The following CRTC3 variants were observed in gnomAD, a reference collection of about 807,000 sequenced individuals.
CRTC3 encodes CREB regulated transcription coactivator 3.
In CRTC3, 26 loss-of-function variants were observed where a neutral mutation model predicts 74.5. The observed-to-expected ratio is 0.35, with a 90% CI of 0.26 to 0.48. The LOEUF (loss-of-function observed/expected upper bound fraction) is 0.48, where lower values mean the gene tolerates loss of function less well. Ranked by LOEUF, CRTC3 falls within the 20% of genes least tolerant of loss-of-function variation. CRTC3 has a pLI of 0.99. For synonymous variants in CRTC3, 377 were observed against 325.8 expected, an observed-to-expected ratio of 1.16 and a Z score of -1.69; for missense variants, 760 against 787.3, an observed-to-expected ratio of 0.97 and a Z score of 0.41.
At chr15:90,630,441 C>T (rs148746525) in intron 11 of CRTC3, among the ~76,000 whole-genome samples, 86 of 152,290 alleles carry the variant, frequency 5.6e-4, no homozygotes, top group African/African-American at 1.9e-3. Flanking sequence ...TTAAAAGTCA[C>T]CCACCCATAC....
chr15:90,593,879 A>G (rs1967857401), intron 3 of CRTC3, 124 bp downstream of exon 3: 1 of 950,938 alleles, frequency 1.1e-6, no homozygotes, highest in Non-Finnish European at 1.5e-6. Context: ...AAAGGAGGCA[A>G]TACAAATAAA....
chr15:90,585,386 C>A (rs1468799560), intron 2 of CRTC3, among the ~76,000 whole-genome samples: 5 of 152,128 alleles, frequency 3.3e-5, no homozygotes, highest in African/African-American at 1.2e-4. Flanking sequence ...CTCAAGCAGT[C>A]CTCCCACCAT....
At chr15:90,579,889 G>A (rs1323714557) in intron 2 of CRTC3, among the ~76,000 whole-genome samples, 2 of 151,884 alleles carry the variant, frequency 1.3e-5, no homozygotes, top group African/African-American at 2.4e-5. Context: ...TGATCCACCC[G>A]CCTCGGCCTC....
rs775258279 is a variant in CRTC3 at position 90,638,531 on chromosome 15, C to T, written c.1352C>T (p.Pro451Leu). The T allele has an allele frequency of 1.2e-6, 2 of 1,613,472 alleles. No homozygotes were observed. The highest frequency in any genetic ancestry group is 1.7e-6 in the Non-Finnish European group (2 of 1,179,842). The change falls in exon 12 of 15, where the codon CCC becomes CTC. Residue 451 changes from proline to leucine, a missense_variant. Around this residue, in one of 2 missense-constraint regions of CRTC3, gnomAD observed 652 missense variants for 635.2 expected, o/e 1.03. Transcript: ENST00000268184. Reference sequence around the variant, plus strand: ...TCGCCGCCACCCCCTTACCCTGCACCCCAGGAGCTCACCCAGCCCCTCCTG... The same window carrying T: ...TCGCCGCCACCCCCTTACCCTGCACTCCAGGAGCTCACCCAGCCCCTCCTG... The part of the protein sequence containing the change: ...QVSPPPPYPA[P>L]QELTQPLLQQ...
intron 2 of CRTC3, among the ~76,000 whole-genome samples, chr15:90,574,486 C>T (rs888001911): frequency 6.6e-6 from 1 of 151,922 alleles, no homozygotes; most frequent in African/African-American, 2.4e-5. Flanking sequence ...CAAAACAAAA[C>T]AAAACAAAAA....
chr15:90,550,444 G>A (rs4288973), intron 2 of CRTC3, among the ~76,000 whole-genome samples: 122,091 of 145,536 alleles, frequency 0.84, 51,398 homozygotes, highest in Middle Eastern at 0.92. Flanking sequence ...ATTTTCCTTT[G>A]CCTGTTTTTT....
intron 2 of CRTC3, among the ~76,000 whole-genome samples, chr15:90,580,598 T>G (rs780599923): frequency 2.0e-5 from 3 of 151,940 alleles, no homozygotes; most frequent in African/African-American, 4.8e-5. Context: ...CCCAGCTAAT[T>G]TTTATATTTT....
At position 90,561,783 on chromosome 15, in the gene CRTC3, C is replaced by G. The variant is rs116847918; in HGVS notation, c.231+21646C>G. On this transcript the variant is annotated intron_variant, in intron 2 of 14. Transcript: ENST00000268184. ...AACCAGCCAAAGTTTTGTTCCAATT[C>G]CCTACAAAATTTCACAATAGTCAGG... 7.2e-4 allele frequency among the ~76,000 whole-genome samples: 110 copies of G among 152,284 alleles called. 3 individuals carry two copies. The East Asian group carries it at 0.019, about 26-fold the overall frequency.
chr15:90,546,024 C>T (rs1966843746), intron 2 of CRTC3, among the ~76,000 whole-genome samples: 1 of 152,036 alleles, frequency 6.6e-6, no homozygotes, highest in African/African-American at 2.4e-5. Flanking sequence ...TCTCAAGTCT[C>T]GAAGAGTAGA....
rs963198390 is a variant in CRTC3 at position 90,634,002 on chromosome 15, C to CT, written c.1267-4435dup. Reference sequence around the variant, plus strand: ...TTTTATCTCTCAGGTTTTTAGTGGTCTTTTTTTTTCGAATTTATCTTTATT... The same window carrying CT: ...TTTTATCTCTCAGGTTTTTAGTGGTCTTTTTTTTTTCGAATTTATCTTTATT... On this transcript the variant is annotated intron_variant, in intron 11 of 14. Coordinates refer to ENST00000268184, the MANE Select transcript of CRTC3 (RefSeq NM_022769.5). Among the ~76,000 whole-genome samples the CT allele has an allele frequency of 2.7e-3, 404 of 148,016 alleles. 8 individuals carry two copies. Among genetic ancestry groups the CT allele is most frequent in the Admixed American group, 0.02 (297 of 14,812 alleles).
intron 5 of CRTC3, 55 bp from the exon 6 acceptor site, chr15:90,607,323 G>T (rs1290619290): frequency 3.0e-6 from 3 of 1,000,714 alleles, no homozygotes; most frequent in Non-Finnish European, 4.7e-6. Flanking sequence ...AAAGACTATT[G>T]CATTTTCACT....
At chr15:90,621,294 TTTG>T (rs1242486141) in intron 9 of CRTC3, among the ~76,000 whole-genome samples, 5 of 152,080 alleles carry the variant, frequency 3.3e-5, no homozygotes, top group Non-Finnish European at 7.4e-5. Context: ...TCAAGAGGTT[TTTG>T]TTGTTGTTGT....
At chr15:90,597,706 T>C (rs535216163) in intron 3 of CRTC3, 6 of 152,338 alleles carry the variant, frequency 3.9e-5, no homozygotes, top group South Asian at 2.1e-4. Context: ...AAAATCCAAC[T>C]GTTACCTAAC....
intron 5 of CRTC3, among the ~76,000 whole-genome samples, chr15:90,605,640 T>C (rs1968197862): frequency 6.6e-6 from 1 of 152,336 alleles, no homozygotes; most frequent in East Asian, 1.9e-4. Flanking sequence ...AACCCAGGTC[T>C]CTCTGATCTC....
intron 11 of CRTC3, among the ~76,000 whole-genome samples, chr15:90,632,630 A>C (rs1969081353): frequency 6.6e-6 from 1 of 152,078 alleles, no homozygotes; most frequent in Non-Finnish European, 1.5e-5. Flanking sequence ...TTTGAGACAG[A>C]GTCTTGCTCT....
intron 3 of CRTC3, among the ~76,000 whole-genome samples, chr15:90,601,900 C>T (rs1375144583): frequency 6.6e-6 from 1 of 152,184 alleles, no homozygotes; most frequent in Non-Finnish European, 1.5e-5. Flanking sequence ...TTTTTTTCCA[C>T]TCAAAAGCAC....
At chr15:90,638,143 T>TATAA in intron 11 of CRTC3, 1 of 280,848 alleles carries the variant, frequency 3.6e-6, no homozygotes, top group Admixed American at 5.1e-5. Flanking sequence ...AAGACACGGC[T>TATAA]ATAAAACAAA....
chr15:90,628,344 C>G (rs866183848), intron 10 of CRTC3, among the ~76,000 whole-genome samples: 4 of 152,160 alleles, frequency 2.6e-5, no homozygotes, highest in Non-Finnish European at 5.9e-5. Context: ...ACACATAGTT[C>G]TGCTTACCCC....
intron 11 of CRTC3, among the ~76,000 whole-genome samples, chr15:90,635,473 C>T (rs148372609): frequency 0.019 from 2,831 of 152,086 alleles, 41 homozygotes; most frequent in Non-Finnish European, 0.03. Context: ...GGTGAAACCC[C>T]GTCTCTACTA....
Sources: allele counts gnomAD v4.1 joint callset (sites outside exome capture counted in the v4.1 genomes callset), GRCh38; gene constraint gnomAD v4.1.1; regional missense constraint gnomAD v4.1.1; transcripts MANE v1.5; gene names NCBI Gene and HGNC (gene_info 2026-07-23, HGNC 2026-07-21).